RASA1: variants seen among roughly 807,000 people sequenced by gnomAD.
RASA1 encodes the protein RAS p21 protein activator 1, also known as ras GTPase-activating protein 1.
Under a neutral mutation model 132.2 loss-of-function variants are expected in RASA1, and 25 were observed. The ratio of observed to expected loss-of-function variants is 0.19; its 90% CI spans 0.14 to 0.26. The LOEUF is 0.26. Among genes scored for constraint, RASA1 ranks in the 10% least tolerant of loss-of-function variants. The pLI is 1.00. For synonymous variants in RASA1, 477 were observed against 449.9 expected, an observed-to-expected ratio of 1.06 and a Z score of -0.76; for missense variants, 964 against 1,299.2, an observed-to-expected ratio of 0.74 and a Z score of 3.97.
chr5:87,357,012 C>T (rs1362382000), intron 9 of RASA1, among the ~76,000 whole-genome samples: 1 of 152,158 alleles, frequency 6.6e-6, no homozygotes, highest in Non-Finnish European at 1.5e-5. Flanking sequence ...GAATGATTCT[C>T]TGCTTTCCAG....
At chr5:87,352,586 T>C (rs1362179630) in intron 8 of RASA1, among the ~76,000 whole-genome samples, 3 of 151,884 alleles carry the variant, frequency 2.0e-5, no homozygotes, top group Non-Finnish European at 2.9e-5. Context: ...TTTCCCAATT[T>C]GTAGCACTTT....
chr5:87,373,959 T>G (rs1169897614), intron 13 of RASA1, among the ~76,000 whole-genome samples: 1 of 151,880 alleles, frequency 6.6e-6, no homozygotes, highest in Non-Finnish European at 1.5e-5. Context: ...GTTTTTATCT[T>G]TTAGGTGGGA....
chr5:87,279,322 A>C (rs901892079), intron 1 of RASA1, among the ~76,000 whole-genome samples: 1 of 152,212 alleles, frequency 6.6e-6, no homozygotes, highest in Non-Finnish European at 1.5e-5. Flanking sequence ...GTGTAAGTTG[A>C]AGTATCAATA....
intron 14 of RASA1, among the ~76,000 whole-genome samples, chr5:87,374,616 A>G (rs1157250997): frequency 4.6e-5 from 7 of 151,978 alleles, no homozygotes; most frequent in Non-Finnish European, 1.5e-5. Context: ...ACTTATTTGA[A>G]TGAATTATTA....
In RASA1 at chr5:87,374,168, C is replaced by A; in HGVS notation, c.1782C>A (p.Ser594Arg). 6.8e-7 allele frequency: 1 copy of A among 1,479,666 alleles called. No homozygotes were observed. Among genetic ancestry groups the A allele is most frequent in the Non-Finnish European group, 9.0e-7 (1 of 1,109,918 alleles). The allele number at this position is 1,479,666 out of a possible 1,614,324, so 91.7% of individuals were successfully genotyped here. A position where few individuals can be genotyped will look rare whatever the true frequency, so the allele number is the denominator to read the frequency against. The change falls in exon 14 of 25, where the codon AGC (serine) becomes AGA (arginine). Residue 594 changes from serine to arginine, a missense_variant. Ser to Arg is a moderately radical substitution (Grantham distance 110). This residue lies in a region of RASA1 where 346 missense variants were observed against 520.1 expected (regional missense o/e 0.67). Transcript: ENST00000274376. ...ATATATTTTTTTTTTTTTAGGTCAGCAGCCTTGTTTTACATATTGAAGAAG... is the reference window on the plus strand; with the variant it reads ...ATATATTTTTTTTTTTTTAGGTCAGAAGCCTTGTTTTACATATTGAAGAAG... The part of the protein sequence containing the change: ...GTSNKRLRQV[S>R]SLVLHIEEAH...
In RASA1 at chr5:87,379,755, A is replaced by G. The variant is rs2112498804; in HGVS notation, c.2508A>G (p.Glu836=). 6.2e-7 allele frequency: 1 copy of G among 1,612,490 alleles called. No individual in the cohort carries two copies. Among genetic ancestry groups the G allele is most frequent in the East Asian group, 2.2e-5 (1 of 44,676 alleles). ...TTTAGTTAAGTCCATCAAAGTTAGA[A>G]AAAAATGAAGATGTGAACACTAATT... ...QSCELSPSKL[E]KNEDVNTNLT... is the part of the protein sequence containing the mutation. Residue 836 remains glutamate, a synonymous_variant, in exon 19 of 25, where the codon GAA becomes GAG. Coordinates refer to ENST00000274376, the MANE Select transcript of RASA1 (RefSeq NM_002890.3).
At chr5:87,273,172 GT>G (rs1285584803) in intron 1 of RASA1, among the ~76,000 whole-genome samples, 2 of 152,142 alleles carry the variant, frequency 1.3e-5, no homozygotes. Context: ...CTATTAATTA[GT>G]ATTTTGTACC....
At position 87,391,334 on chromosome 5, in the gene RASA1, C is replaced by G; in HGVS notation, c.*451C>G. ...AGACTGTTCTTACTGTAACTACTTC[C>G]TGATTAGGAATATGACCATTTGACT... is the stretch of plus-strand genomic sequence containing the variant. On this transcript the variant is annotated 3_prime_UTR_variant, in exon 25 of 25. Coordinates refer to ENST00000274376, the MANE Select transcript of RASA1 (RefSeq NM_002890.3). 2 of 302,884 alleles carry G rather than the reference C, an allele frequency of 6.6e-6. No individual in the cohort carries two copies. Among genetic ancestry groups the G allele is most frequent in the Admixed American group, 4.6e-5 (1 of 21,734 alleles). The allele number at this position is 302,884 out of a possible 1,614,324, so 18.8% of individuals were successfully genotyped here.
intron 1 of RASA1, chr5:87,269,397 C>A: frequency 7.6e-7 from 1 of 1,322,750 alleles, no homozygotes. Context: ...GCTTTGAATA[C>A]AGGTGTTTAA....
At chr5:87,306,817 G>A (rs938124712) in intron 1 of RASA1, among the ~76,000 whole-genome samples, 5 of 151,716 alleles carry the variant, frequency 3.3e-5, no homozygotes, top group African/African-American at 4.8e-5. Flanking sequence ...ATTCTCTATT[G>A]CCTCCTTTCT....
chr5:87,389,434 G>T lies in RASA1; in HGVS notation c.2967G>T (p.Thr989=), dbSNP rs764894260. The change falls in exon 24 of 25, where the codon ACG becomes ACT. Residue 989 remains threonine (T), a synonymous_variant. Transcript: ENST00000274376. The part of the protein sequence containing the change: ...ELPDTTEHSR[T]DLSRDLAALH... ...CGGACACTACAGAGCATTCTAGAAC[G>T]GACCTGTCCCGTGATTTAGCAGCAT... The T allele has an allele frequency of 6.2e-7, 1 of 1,614,120 alleles. No homozygotes were observed. Among genetic ancestry groups the T allele is most frequent in the South Asian group, 1.1e-5 (1 of 91,082 alleles).
chr5:87,288,262 A>G (rs1476143620), intron 1 of RASA1, among the ~76,000 whole-genome samples: 3 of 151,328 alleles, frequency 2.0e-5, no homozygotes, highest in Non-Finnish European at 4.4e-5. Flanking sequence ...GTTTCTCCCT[A>G]CCTTGATTAT....
rs183544492 is a variant in RASA1 at position 87,345,583 on chromosome 5, A to G, written c.1050-1089A>G. 1.2e-3 allele frequency among the ~76,000 whole-genome samples: 179 copies of G among 152,302 alleles called. 2 individuals are homozygous for G. Among genetic ancestry groups the G allele is most frequent in the African/African-American group, 4.1e-3 (169 of 41,584 alleles). Reference sequence around the variant, plus strand: ...CAAAATTTACACAGGGAGCACCAGGAGATCTGAATCAGTGAGTTAATGCTT... The same window carrying G: ...CAAAATTTACACAGGGAGCACCAGGGGATCTGAATCAGTGAGTTAATGCTT... On this transcript the variant is annotated intron_variant, in intron 6 of 24. Transcript: ENST00000274376.
chr5:87,311,370 T>A (rs559809691), intron 1 of RASA1, among the ~76,000 whole-genome samples: 109 of 152,340 alleles, frequency 7.2e-4, no homozygotes, highest in South Asian at 3.7e-3. Context: ...TCCCAAATAC[T>A]TAATGACTTT....
chr5:87,344,394 C>A (rs1758693469), intron 6 of RASA1, among the ~76,000 whole-genome samples: 1 of 152,084 alleles, frequency 6.6e-6, no homozygotes, highest in Admixed American at 6.6e-5. Flanking sequence ...TCCACCTTTA[C>A]CTTAGCAGAG....
chr5:87,299,893 A>C (rs569368436), intron 1 of RASA1: 62 of 152,356 alleles, frequency 4.1e-4, no homozygotes, highest in African/African-American at 1.4e-3. Context: ...TCAGAAACCT[A>C]TATAGATGTT....
At chr5:87,357,140 C>G (rs1036154122) in intron 9 of RASA1, among the ~76,000 whole-genome samples, 1 of 152,068 alleles carries the variant, frequency 6.6e-6, no homozygotes, top group Non-Finnish European at 1.5e-5. Flanking sequence ...ATTTTAACAT[C>G]CATCTTGTTT....
chr5:87,390,000 A>G (rs547369962), intron 24 of RASA1, among the ~76,000 whole-genome samples: 2 of 152,276 alleles, frequency 1.3e-5, no homozygotes, highest in African/African-American at 2.4e-5. Context: ...ACGTCTAACA[A>G]ACTCTTAGAG....
intron 1 of RASA1, among the ~76,000 whole-genome samples, chr5:87,330,088 C>T (rs1043904152): frequency 2.6e-5 from 4 of 152,026 alleles, no homozygotes; most frequent in Admixed American, 6.5e-5. Context: ...TTTGTTAAGT[C>T]GTAATGGAAC....
Sources: gnomAD v4.1 joint callset for allele counts (sites outside exome capture counted in the v4.1 genomes callset) on GRCh38, gnomAD v4.1.1 for gene constraint, gnomAD v4.1.1 regional missense constraint, MANE v1.5 for transcripts, NCBI Gene and HGNC (gene_info 2026-07-23, HGNC 2026-07-21) for gene names.